Variants in PLCB1 observed in about 807,000 individuals in gnomAD.
The protein encoded by PLCB1 is 1-phosphatidylinositol 4,5-bisphosphate phosphodiesterase beta-1.
PLCB1 carries 46 observed loss-of-function variants against 161.8 expected under a neutral mutation model. The observed-to-expected ratio is 0.28, with a 90% CI of 0.22 to 0.36. The LOEUF (loss-of-function observed/expected upper bound fraction) is 0.36. PLCB1 is among the 10% of genes least tolerant of loss of function. PLCB1 has a pLI of 1.00. For synonymous variants in PLCB1, 517 were observed against 503.7 expected (o/e 1.03, Z -0.35); for missense variants, 1,016 against 1,472.5 (o/e 0.69, Z 5.07).
At chr20:8,501,391 T>G (rs1030811724) in intron 3 of PLCB1, among the ~76,000 whole-genome samples, 1 of 152,246 alleles carries the variant, frequency 6.6e-6, no homozygotes, top group African/African-American at 2.4e-5. Context: ...TCTCAGTGTG[T>G]GCTTGTTGAA....
rs535965143 is a variant in PLCB1, at chr20:8,845,235, G to A, written c.3424-36387G>A. Among the ~76,000 whole-genome samples, 37 of 152,298 alleles carry A rather than the reference G, an allele frequency of 2.4e-4. No individual in the cohort carries two copies. The South Asian group carries it at 3.9e-3, about 16-fold the overall frequency. On this transcript the variant is annotated intron_variant, in intron 31 of 31. Coordinates refer to ENST00000338037, the MANE Select transcript of PLCB1 (RefSeq NM_015192.4). ...GCATTTTGGAGGCAGGAAAGATACA[G>A]GAAGTTCCCATGCTATAAGCCTTGT...
chr20:8,602,008 G>A (rs1457697201), intron 3 of PLCB1, among the ~76,000 whole-genome samples: 1 of 152,050 alleles, frequency 6.6e-6, no homozygotes, highest in Non-Finnish European at 1.5e-5. Context: ...GGTCTTGATG[G>A]CTTCCACATT....
chr20:8,174,507 T>C (rs527994693), intron 2 of PLCB1, among the ~76,000 whole-genome samples: 1 of 152,236 alleles, frequency 6.6e-6, no homozygotes, highest in East Asian at 1.9e-4. Context: ...AGAAGGAAAC[T>C]TGGAGTATCA....
chr20:8,211,093 C>T (rs1237202749), intron 2 of PLCB1, among the ~76,000 whole-genome samples: 3 of 152,110 alleles, frequency 2.0e-5, no homozygotes, highest in East Asian at 1.9e-4. Flanking sequence ...GCAGGGAAAA[C>T]CAAAGCACCT....
chr20:8,384,444 G>A (rs57943912), intron 3 of PLCB1, among the ~76,000 whole-genome samples: 2 of 151,880 alleles, frequency 1.3e-5, no homozygotes, highest in Admixed American at 1.3e-4. Flanking sequence ...AAGGTTCTTA[G>A]CTTCTTTGCA....
chr20:8,582,121 A>G (rs1424355951), intron 3 of PLCB1, among the ~76,000 whole-genome samples: 1 of 152,170 alleles, frequency 6.6e-6, no homozygotes, highest in Non-Finnish European at 1.5e-5. Flanking sequence ...CACCTCTGCC[A>G]TAAGCTGAGT....
intron 10 of PLCB1, among the ~76,000 whole-genome samples, chr20:8,691,554 A>G (rs1313546243): frequency 6.6e-6 from 1 of 152,138 alleles, no homozygotes; most frequent in African/African-American, 2.4e-5. Context: ...TCACCACCCA[A>G]CTTATTTTCT....
chr20:8,565,468 T>G lies in PLCB1; in HGVS notation c.247-62826T>G, dbSNP rs577171164. Reference sequence around the variant, plus strand: ...AACCTGCACATTCTGCGCATGTACTTAAAGTATAATAAAAACTTAAAGTAT... The same window carrying G: ...AACCTGCACATTCTGCGCATGTACTGAAAGTATAATAAAAACTTAAAGTAT... On this transcript the variant is annotated intron_variant, in intron 3 of 31. Transcript: ENST00000338037. Among the ~76,000 whole-genome samples, 4 of 151,716 alleles carry G rather than the reference T, an allele frequency of 2.6e-5. No homozygotes were observed. In the East Asian group the frequency reaches 7.8e-4, roughly 29 times the overall value.
At position 8,881,735 on chromosome 20, in the gene PLCB1, C is replaced by T. The variant is rs763992421; in HGVS notation, c.3537C>T (p.His1179=). The change falls in exon 32 of 32, where the codon CAC becomes CAT. Residue 1179 remains histidine, a synonymous_variant. Transcript: ENST00000338037. ...GAAAGATCAGTGAAGACAGCAATCACGGTTCTGCCCCTCTCTCCCTGTCCT... is the reference window on the plus strand; with the variant it reads ...GAAAGATCAGTGAAGACAGCAATCATGGTTCTGCCCCTCTCTCCCTGTCCT... The part of the protein sequence containing the change: ...MKGKISEDSN[H]GSAPLSLSSD... 7 of 1,613,776 alleles carry T rather than the reference C, an allele frequency of 4.3e-6. No individual in the cohort carries two copies. The highest frequency in any genetic ancestry group is 2.2e-5 in the East Asian group (1 of 44,878).
chr20:8,198,478 T>C (rs1185553252), intron 2 of PLCB1, among the ~76,000 whole-genome samples: 1 of 152,014 alleles, frequency 6.6e-6, no homozygotes, highest in Non-Finnish European at 1.5e-5. Flanking sequence ...GCAATGGGGC[T>C]CTCTTACCTG....
intron 2 of PLCB1, among the ~76,000 whole-genome samples, chr20:8,206,001 TA>T (rs1978507528): frequency 6.6e-6 from 1 of 152,120 alleles, no homozygotes. Context: ...TTTTTTCCAA[TA>T]AAAACTTTGT....
intron 20 of PLCB1, among the ~76,000 whole-genome samples, chr20:8,738,490 T>G (rs1980698978): frequency 1.3e-5 from 2 of 152,156 alleles, no homozygotes; most frequent in African/African-American, 4.8e-5. Flanking sequence ...GGCACATGTA[T>G]GCATATGTAA....
At chr20:8,684,501 G>A (rs1382458934) in intron 9 of PLCB1, among the ~76,000 whole-genome samples, 2 of 149,532 alleles carry the variant, frequency 1.3e-5, no homozygotes, top group South Asian at 2.1e-4. Context: ...TGATCCACAC[G>A]CCTCAGCCTC....
At chr20:8,580,160 TG>T (rs1375173150) in intron 3 of PLCB1, among the ~76,000 whole-genome samples, 9 of 152,136 alleles carry the variant, frequency 5.9e-5, no homozygotes, top group Non-Finnish European at 1.2e-4. Context: ...TAGCCCTCAG[TG>T]GGGCAGTGCT....
intron 2 of PLCB1, among the ~76,000 whole-genome samples, chr20:8,344,147 T>A (rs1985910163): frequency 6.6e-6 from 1 of 152,186 alleles, no homozygotes; most frequent in Non-Finnish European, 1.5e-5. Context: ...TTGCTGATGT[T>A]TGTTTTGTTG....
chr20:8,570,653 C>A (rs144124905), intron 3 of PLCB1, among the ~76,000 whole-genome samples: 896 of 88,026 alleles, frequency 0.01, 16 homozygotes, highest in African/African-American at 0.029. Context: ...CTTAGAGACC[C>A]CAGAAACAAC....
intron 3 of PLCB1, among the ~76,000 whole-genome samples, chr20:8,391,803 A>ATGTG (rs1987606744): frequency 7.2e-6 from 1 of 137,954 alleles, no homozygotes; most frequent in Non-Finnish European, 1.5e-5. Flanking sequence ...ATATATATAT[A>ATGTG]TATATATATA....
chr20:8,697,796 A>G lies in PLCB1; in HGVS notation c.1167+13A>G. ...AATATCTTTCAAGGTAGAGTATATG[A>G]ATGTTACTAAGAGAGGCAGCTGGAG... On this transcript the variant is annotated intron_variant, in intron 11 of 31. Coordinates refer to ENST00000338037, the MANE Select transcript of PLCB1 (RefSeq NM_015192.4). 1 of 1,613,374 alleles carries G rather than the reference A, an allele frequency of 6.2e-7. No homozygotes were observed. Among genetic ancestry groups the G allele is most frequent in the Non-Finnish European group, 8.5e-7 (1 of 1,179,400 alleles).
chr20:8,236,426 G>A (rs62195861), intron 2 of PLCB1, among the ~76,000 whole-genome samples: 29,817 of 151,866 alleles, frequency 0.2, 3,074 homozygotes, highest in African/African-American at 0.26. Context: ...CTAGCTGCTC[G>A]AGAGGCTAAG....
Sources: allele counts gnomAD v4.1 joint callset (sites outside exome capture counted in the v4.1 genomes callset), GRCh38; gene constraint gnomAD v4.1.1; transcripts MANE v1.5; gene names NCBI Gene and HGNC (gene_info 2026-07-23, HGNC 2026-07-21).